The following PHF6 variants were observed in gnomAD, a reference collection of about 807,000 sequenced individuals.
The protein encoded by PHF6 is PHD-like zinc finger protein.
PHF6 carries 7 observed loss-of-function variants against 34.0 expected under a neutral mutation model. The observed-to-expected ratio is 0.21, with a 90% CI of 0.12 to 0.39. The LOEUF (loss-of-function observed/expected upper bound fraction) is 0.39. Ranked by LOEUF, PHF6 falls within the 10% of genes least tolerant of loss-of-function variation. The probability of loss-of-function intolerance (pLI) is 1.00; values close to 1 mark genes in which losing one functional copy is unlikely to be tolerated. For synonymous variants in PHF6, 89 were observed against 88.4 expected, an observed-to-expected ratio of 1.01 and a Z score of -0.04; for missense variants, 128 against 262.8, an observed-to-expected ratio of 0.49 and a Z score of 3.55.
intron 3 of PHF6, among the ~76,000 whole-genome samples, chrX:134,384,715 G>A (rs1333976444): frequency 4.6e-5 from 5 of 108,157 alleles, no homozygotes; most frequent in Non-Finnish European, 7.7e-5. Flanking sequence ...ACAGTGGCAC[G>A]ATCTCGGCTC....
intron 1 of PHF6, among the ~76,000 whole-genome samples, chrX:134,375,373 G>T (rs2077274214): frequency 9.0e-6 from 1 of 111,611 alleles, no homozygotes; most frequent in Non-Finnish European, 1.9e-5. Context: ...TTGATATCTA[G>T]AAAAGCAGGT....
chrX:134,376,645 C>T (rs913704174), intron 1 of PHF6, among the ~76,000 whole-genome samples: 3 of 111,572 alleles, frequency 2.7e-5, no homozygotes, highest in African/African-American at 6.5e-5. Flanking sequence ...AATTTAAGTA[C>T]GGAAGTTACT....
intron 5 of PHF6, among the ~76,000 whole-genome samples, chrX:134,396,082 G>A (rs1425518606): frequency 9.0e-6 from 1 of 111,229 alleles, no homozygotes; most frequent in East Asian, 2.8e-4. Context: ...TTTAATTTTT[G>A]TGAGTACAGA....
intron 5 of PHF6, among the ~76,000 whole-genome samples, chrX:134,411,158 G>C (rs1480926827): frequency 1.8e-5 from 2 of 110,311 alleles, no homozygotes; most frequent in Non-Finnish European, 3.8e-5. Context: ...TTCCATGTTA[G>C]TCAGGTTGGT....
chrX:134,403,518 C>T (rs1172016274), intron 5 of PHF6, among the ~76,000 whole-genome samples: 1 of 112,471 alleles, frequency 8.9e-6, no homozygotes, highest in East Asian at 2.8e-4. Flanking sequence ...AAGGTGAAAG[C>T]AGCAAGTGCT....
Position 134,406,224 on chromosome X carries a change from G to T in PHF6, c.419-7267G>T, listed in dbSNP as rs769595091. On this transcript the variant is annotated intron_variant, in intron 5 of 10. Transcript: ENST00000370803. Reference sequence around the variant, plus strand: ...TTAGAGTCTACACAAGATATGCCAAGAGTATTAACTAACAATTAAATAGAA... The same window carrying T: ...TTAGAGTCTACACAAGATATGCCAATAGTATTAACTAACAATTAAATAGAA... Among the ~76,000 whole-genome samples, 6 of 109,818 alleles carry T rather than the reference G, an allele frequency of 5.5e-5. No individual in the cohort carries two copies. In the East Asian group the frequency reaches 1.4e-3, roughly 26 times the overall value.
At chrX:134,399,451 G>A (rs1485472600) in intron 5 of PHF6, among the ~76,000 whole-genome samples, 2 of 111,225 alleles carry the variant, frequency 1.8e-5, no homozygotes, top group Non-Finnish European at 3.8e-5. Flanking sequence ...TACCACTCTG[G>A]TGTAGGATGT....
At chrX:134,396,885 TA>T (rs35795052) in intron 5 of PHF6, among the ~76,000 whole-genome samples, 480 of 81,382 alleles carry the variant, frequency 5.9e-3, no homozygotes, top group Middle Eastern at 0.034. Context: ...TGTACTGCAC[TA>T]AAAAAAAAAA....
intron 5 of PHF6, among the ~76,000 whole-genome samples, chrX:134,398,206 A>G (rs1011755836): frequency 8.9e-6 from 1 of 111,869 alleles, no homozygotes; most frequent in Non-Finnish European, 1.9e-5. Flanking sequence ...CAGCCTGGAC[A>G]ACATAGCGAG....
At chrX:134,396,417 CTA>C (rs951979865) in intron 5 of PHF6, among the ~76,000 whole-genome samples, 1 of 111,506 alleles carries the variant, frequency 9.0e-6, no homozygotes, top group Admixed American at 9.6e-5. Flanking sequence ...TCACTGCAAA[CTA>C]TATAAAGTAG....
rs1173796914 is a variant in PHF6 at position 134,415,156 on chromosome X, C to T, written c.834+36C>T. 4 of 1,206,880 alleles carry T rather than the reference C, an allele frequency of 3.3e-6. No individual in the cohort carries two copies. The Admixed American group carries it at 8.8e-5, about 27-fold the overall frequency. On this transcript the variant is annotated intron_variant, in intron 8 of 10. Coordinates refer to ENST00000370803, the MANE Select transcript of PHF6 (RefSeq NM_001015877.2). Reference sequence around the variant, plus strand: ...TTTATATTTGTTATGCAACATTACACTTGATTTGCTGCTTTAAATTTAGAG... The same window carrying T: ...TTTATATTTGTTATGCAACATTACATTTGATTTGCTGCTTTAAATTTAGAG...
intron 5 of PHF6, among the ~76,000 whole-genome samples, chrX:134,404,934 C>T (rs1015606819): frequency 8.9e-6 from 1 of 111,793 alleles, no homozygotes; most frequent in African/African-American, 3.3e-5. Context: ...CTTTTAAATG[C>T]ACTGGGAAAT....
At chrX:134,414,001 T>C (rs1308886979) in intron 7 of PHF6, 35 bp downstream of exon 7, 1 of 1,185,584 alleles carries the variant, frequency 8.4e-7, no homozygotes, top group Non-Finnish European at 1.1e-6. Flanking sequence ...ATTTTGTTTT[T>C]TTGTTGTTTG....
chrX:134,417,425 A>G, intron 9 of PHF6, 123 bp downstream of exon 9: 2 of 705,785 alleles, frequency 2.8e-6, no homozygotes, highest in Non-Finnish European at 4.3e-6. Flanking sequence ...TACTGAGCAC[A>G]TTATGTAAGG....
intron 5 of PHF6, among the ~76,000 whole-genome samples, chrX:134,405,833 GTAAATGATTTATATATA>G (rs954565454): frequency 1.5e-3 from 157 of 107,568 alleles, no homozygotes; most frequent in Admixed American, 5.0e-3. Context: ...AGTATATCAA[GTAAATGATTTATATATA>G]TAAATGATTT....
chrX:134,428,156 C>T lies in PHF6; in HGVS notation c.*2496C>T. ...TTTGTTTTTTGTTATTGATATTAAA[C>T]AGTGTAATCTTTGCAAGCGTATATT... is the stretch of plus-strand genomic sequence containing the variant. On this transcript the variant is annotated 3_prime_UTR_variant, in exon 11 of 11. Transcript: ENST00000370803. The T allele has an allele frequency of 6.7e-6, 1 of 150,140 alleles. No individual in the cohort carries two copies. The highest frequency in any genetic ancestry group is 1.3e-5 in the Non-Finnish European group (1 of 76,158). 12.4% of individuals were successfully genotyped at this position (150,140 alleles called of 1,213,427 possible).
chrX:134,416,052 C>A (rs957629014), intron 8 of PHF6, among the ~76,000 whole-genome samples: 1 of 110,193 alleles, frequency 9.1e-6, no homozygotes, highest in Admixed American at 9.7e-5. Context: ...CTCTGCCTCC[C>A]GGGTTCAAGT....
intron 5 of PHF6, among the ~76,000 whole-genome samples, chrX:134,394,429 AC>A (rs1399261023): frequency 1.9e-5 from 2 of 105,916 alleles, no homozygotes; most frequent in Non-Finnish European, 3.9e-5. Context: ...ATCGTGCCCG[AC>A]CAAGATCTGA....
chrX:134,403,399 A>G (rs752256941), intron 5 of PHF6, among the ~76,000 whole-genome samples: 1 of 112,225 alleles, frequency 8.9e-6, no homozygotes, highest in East Asian at 2.8e-4. Context: ...TAATTCTTCA[A>G]TTCTATGAAG....
Sources: gnomAD v4.1 joint callset for allele counts (sites outside exome capture counted in the v4.1 genomes callset) on GRCh38, gnomAD v4.1.1 for gene constraint, MANE v1.5 for transcripts, NCBI Gene and HGNC (gene_info 2026-07-23, HGNC 2026-07-21) for gene names.